The following GPHN variants were observed in gnomAD, a reference collection of about 807,000 sequenced individuals.
GPHN encodes the protein gephyrin.
Under a neutral mutation model 95.5 loss-of-function variants are expected in GPHN, and 17 were observed. The observed-to-expected ratio is 0.18, with a 90% confidence interval of 0.12 to 0.27. The LOEUF is 0.27. Ranked by LOEUF, GPHN falls within the 10% of genes least tolerant of loss-of-function variation. The probability of loss-of-function intolerance (pLI) is 1.00; values close to 1 mark genes in which losing one functional copy is unlikely to be tolerated. For synonymous variants in GPHN, 320 were observed against 322.5 expected (o/e 0.99, Z 0.08); for missense variants, 660 against 978.1 (o/e 0.67, Z 4.34).
chr14:66,722,337 T>C (rs548832773), intron 2 of GPHN, among the ~76,000 whole-genome samples: 50 of 152,294 alleles, frequency 3.3e-4, no homozygotes, highest in Middle Eastern at 3.4e-3. Context: ...TTTCACGATA[T>C]CGTTATCAAG....
the GPHN span, chr14:67,473,858 G>A: frequency 2.5e-6 from 4 of 1,612,604 alleles, no homozygotes; most frequent in Non-Finnish European, 3.4e-6. The surrounding 1 kb of genome is among the most constrained non-coding windows in gnomAD (Gnocchi z 6.5). Context: ...TCACCTCGCA[G>A]AAGTAGCCGT....
chr14:67,338,606 C>A, the GPHN span: 1,362 of 1,609,460 alleles, frequency 8.5e-4, no homozygotes, highest in African/African-American at 5.8e-3. Context: ...TCTCAAAGAA[C>A]CAGAACAGGA....
chr14:67,254,181 TC>T, the GPHN span: 39 of 138,506 alleles, frequency 2.8e-4, no homozygotes, highest in African/African-American at 1.1e-3. Flanking sequence ...TAAGTGTCTT[TC>T]TTTTTTTTTT....
intron 1 of GPHN, among the ~76,000 whole-genome samples, chr14:66,664,027 A>G (rs758651868): frequency 3.3e-5 from 5 of 152,214 alleles, no homozygotes; most frequent in Non-Finnish European, 5.9e-5. Flanking sequence ...CCACACAATA[A>G]TAGTGGGAGA....
At chr14:67,595,124 G>A in the GPHN span, among the ~76,000 whole-genome samples, 4 of 145,124 alleles carry the variant, frequency 2.8e-5, no homozygotes, top group Admixed American at 7.3e-5. Flanking sequence ...GTGACAGAGC[G>A]AGACTCCGTC....
At chr14:67,320,126 T>G in the GPHN span, 1 of 987,286 alleles carries the variant, frequency 1.0e-6, no homozygotes, top group Non-Finnish European at 1.4e-6. Context: ...GTAATGACAA[T>G]AAATTGTGCT....
At chr14:66,544,357 A>G (rs1413225195) in intron 1 of GPHN, among the ~76,000 whole-genome samples, 1 of 152,086 alleles carries the variant, frequency 6.6e-6, no homozygotes, top group Non-Finnish European at 1.5e-5. Flanking sequence ...TTTCTTTCCT[A>G]TAGCATTTAT....
chr14:66,706,472 C>T (rs8017437), intron 2 of GPHN, among the ~76,000 whole-genome samples: 38,287 of 151,830 alleles, frequency 0.25, 9,726 homozygotes, highest in African/African-American at 0.62. Context: ...GGCATATAGG[C>T]CAATGGGATA....
At chr14:67,512,611 C>T in the GPHN span, among the ~76,000 whole-genome samples, 2 of 152,144 alleles carry the variant, frequency 1.3e-5, no homozygotes, top group Non-Finnish European at 2.9e-5. Flanking sequence ...CCTTCCCTCC[C>T]CTCAAGGACA....
the GPHN span, among the ~76,000 whole-genome samples, chr14:67,323,057 G>A: frequency 6.6e-6 from 1 of 151,940 alleles, no homozygotes; most frequent in African/African-American, 2.4e-5. Flanking sequence ...TTTTTAATAT[G>A]GTTATTGTAA....
At position 66,753,821 on chromosome 14, in the gene GPHN, A is replaced by G. The variant is rs147878205; in HGVS notation, c.144-22643A>G. Reference sequence around the variant, plus strand: ...CCACAATGTAATTTCAAACATTTCCATCATCCCAAAAGAAATCTCTGTGCC... The same window carrying G: ...CCACAATGTAATTTCAAACATTTCCGTCATCCCAAAAGAAATCTCTGTGCC... On this transcript the variant is annotated intron_variant, in intron 2 of 22. Transcript: ENST00000478722. Among the ~76,000 whole-genome samples, 89 of 152,202 alleles carry G rather than the reference A, an allele frequency of 5.8e-4. 3 individuals are homozygous for G. The highest frequency in any genetic ancestry group is 2.1e-3 in the African/African-American group (86 of 41,550).
intron 1 of GPHN, among the ~76,000 whole-genome samples, chr14:66,562,397 T>C (rs1173377894): frequency 1.3e-5 from 2 of 152,154 alleles, no homozygotes; most frequent in Non-Finnish European, 2.9e-5. Flanking sequence ...TTTTACAATA[T>C]ATACATATAT....
chr14:66,593,201 G>A (rs574550343), intron 1 of GPHN, among the ~76,000 whole-genome samples: 3 of 152,012 alleles, frequency 2.0e-5, no homozygotes. Context: ...TAATGTAGAT[G>A]ACAGGTTGAT....
the GPHN span, among the ~76,000 whole-genome samples, chr14:67,641,880 T>C: frequency 1.3e-5 from 2 of 152,212 alleles, no homozygotes; most frequent in Non-Finnish European, 2.9e-5. Context: ...TTCTTTAAGA[T>C]TGTTGGTTCT....
intron 4 of GPHN, among the ~76,000 whole-genome samples, chr14:66,864,368 AT>A (rs1468660814): frequency 6.6e-6 from 1 of 152,196 alleles, no homozygotes; most frequent in African/African-American, 2.4e-5. Context: ...ATTGGTAGGA[AT>A]GTTAAGTTAG....
chr14:67,490,389 TG>T, the GPHN span, among the ~76,000 whole-genome samples: 1 of 152,258 alleles, frequency 6.6e-6, no homozygotes, highest in East Asian at 1.9e-4. Context: ...CAAGGAAGAC[TG>T]GGGCAGGAAC....
chr14:66,584,778 G>A (rs1463940983), intron 1 of GPHN, among the ~76,000 whole-genome samples: 1 of 152,126 alleles, frequency 6.6e-6, no homozygotes, highest in Non-Finnish European at 1.5e-5. Flanking sequence ...TGTGCTGCTG[G>A]ATTCGGTTTG....
the GPHN span, among the ~76,000 whole-genome samples, chr14:67,397,170 C>A: frequency 2.0e-5 from 3 of 152,164 alleles, no homozygotes; most frequent in Non-Finnish European, 2.9e-5. Context: ...AACTCCTCAC[C>A]GCAAGCAATC....
At chr14:67,192,640 T>C in the GPHN span, among the ~76,000 whole-genome samples, 4 of 151,890 alleles carry the variant, frequency 2.6e-5, no homozygotes, top group African/African-American at 9.7e-5. Context: ...CTGGCCACAA[T>C]TATTTTGCCA....
Sources: gnomAD v4.1 joint callset for allele counts (sites outside exome capture counted in the v4.1 genomes callset) on GRCh38, gnomAD v4.1.1 for gene constraint, Gnocchi (gnomAD v3.1) non-coding constraint, MANE v1.5 for transcripts, NCBI Gene and HGNC (gene_info 2026-07-23, HGNC 2026-07-21) for gene names.